Variants in GNA14 observed in about 807,000 individuals in gnomAD.
GNA14 encodes G protein subunit alpha 14.
A neutral mutation model predicts 42.0 loss-of-function variants in GNA14; 50 were observed. That is an observed-to-expected ratio of 1.19 (90% CI 0.95 to 1.51). The LOEUF (loss-of-function observed/expected upper bound fraction) is 1.51, where lower values mean the gene tolerates loss of function less well. Among genes scored for constraint, GNA14 ranks in the 40% most tolerant of loss-of-function variants. GNA14 has a pLI of 0.00. For missense variants in GNA14, 473 were observed against 446.2 expected (o/e 1.06, Z -0.54); for synonymous variants, 173 against 163.1 (o/e 1.06, Z -0.46).
chr9:77,448,198 G>A (rs1278169691), intron 2 of GNA14, among the ~76,000 whole-genome samples: 2 of 152,130 alleles, frequency 1.3e-5, no homozygotes, highest in African/African-American at 2.4e-5. Flanking sequence ...GTCCACCAAG[G>A]CTAAATCACG....
intron 2 of GNA14, among the ~76,000 whole-genome samples, chr9:77,471,780 A>G (rs1483711167): frequency 3.9e-5 from 6 of 152,214 alleles, no homozygotes; most frequent in Admixed American, 2.6e-4. Context: ...CAGTCTATGC[A>G]TAATACCACA....
intron 1 of GNA14, among the ~76,000 whole-genome samples, chr9:77,560,024 C>T (rs1298442747): frequency 6.6e-6 from 1 of 152,004 alleles, no homozygotes; most frequent in Non-Finnish European, 1.5e-5. Context: ...AATTACCTAG[C>T]GAGCTTTAAA....
At chr9:77,532,894 G>A (rs1837549756) in intron 1 of GNA14, among the ~76,000 whole-genome samples, 1 of 152,054 alleles carries the variant, frequency 6.6e-6, no homozygotes, top group African/African-American at 2.4e-5. Flanking sequence ...TACAAGGAGT[G>A]GGAGGTCTTT....
rs1277918401 is a variant in GNA14 at position 77,479,479 on chromosome 9, T to C, written c.310-44957A>G. Among the ~76,000 whole-genome samples the C allele has an allele frequency of 7.2e-5, 11 of 152,338 alleles. No homozygotes were observed. The South Asian group carries it at 2.1e-3, about 29-fold the overall frequency. On this transcript the variant is annotated intron_variant, in intron 2 of 6. Transcript: ENST00000341700. ...CATGATGCCTCCAGCTTTGTTCTTT[T>C]GGCTTAGGATTGACTTGGTGATGCG...
chr9:77,572,791 G>C (rs1823079275), intron 1 of GNA14, among the ~76,000 whole-genome samples: 1 of 152,102 alleles, frequency 6.6e-6, no homozygotes, highest in South Asian at 2.1e-4. Flanking sequence ...TTTAAATCAG[G>C]TCAGGCCAGA....
At chr9:77,432,269 G>A (rs566530389) in intron 3 of GNA14, among the ~76,000 whole-genome samples, 7 of 152,276 alleles carry the variant, frequency 4.6e-5, no homozygotes, top group African/African-American at 7.2e-5. Context: ...GAGCAGGTCC[G>A]CATGCAGGCT....
At chr9:77,603,956 CAAAA>C (rs67044542) in intron 1 of GNA14, among the ~76,000 whole-genome samples, 8 of 81,590 alleles carry the variant, frequency 9.8e-5, no homozygotes, top group Admixed American at 1.8e-4. Context: ...AAAAAAAAAA[CAAAA>C]AAAAAAAAAA....
In GNA14 at chr9:77,556,829, T is replaced by G. The variant is rs561084306; in HGVS notation, c.125-27576A>C. 2.0e-5 allele frequency among the ~76,000 whole-genome samples: 3 copies of G among 152,332 alleles called. No homozygotes were observed. The East Asian group carries it at 5.8e-4, about 29-fold the overall frequency. ...TTAAGGCACAGTTAAGAATGTATCT[T>G]TGGCAGGTACAACTTCAGCCGTTTG... On this transcript the variant is annotated intron_variant, in intron 1 of 6. Coordinates refer to ENST00000341700, the MANE Select transcript of GNA14 (RefSeq NM_004297.4).
intron 2 of GNA14, among the ~76,000 whole-genome samples, chr9:77,506,999 G>C (rs981134821): frequency 1.3e-5 from 2 of 152,212 alleles, no homozygotes; most frequent in South Asian, 4.1e-4. Flanking sequence ...AATCTTATTT[G>C]GAAGTGTACA....
intron 1 of GNA14, among the ~76,000 whole-genome samples, chr9:77,641,105 GAAGGAAGGAAGGAAGGAA>G (rs1564073616): frequency 0.056 from 232 of 4,130 alleles, 30 homozygotes; most frequent in African/African-American, 0.095. Context: ...GGGGGGGAAG[GAAGGAAGGAAGGAAGGAA>G]GGAAGGAAGG....
At chr9:77,641,620 G>T (rs541650275) in intron 1 of GNA14, among the ~76,000 whole-genome samples, 3 of 152,074 alleles carry the variant, frequency 2.0e-5, no homozygotes, top group Non-Finnish European at 4.4e-5. Context: ...ATTCAGTGTC[G>T]TAGAAGCAAT....
chr9:77,472,403 A>G (rs1207065923), intron 2 of GNA14, among the ~76,000 whole-genome samples: 1 of 152,206 alleles, frequency 6.6e-6, no homozygotes, highest in African/African-American at 2.4e-5. Context: ...CCAAAAAGAA[A>G]TGTCCTGGAG....
At chr9:77,477,439 G>A (rs1432150528) in intron 2 of GNA14, among the ~76,000 whole-genome samples, 7 of 152,216 alleles carry the variant, frequency 4.6e-5, no homozygotes, top group Non-Finnish European at 5.9e-5. Context: ...TTCCCCTGCT[G>A]AGAATATGGC....
rs2131783787 is a variant in GNA14 at position 77,553,668 on chromosome 9, C to CATCTTCAGTGATTTT, written c.125-24416_125-24415insAAAATCACTGAAGAT. ...CAGTGTTAATGGGCATATGAGAAAACAGACACCCATTCCCACTTATTTGTG... is the reference window on the plus strand; with the variant it reads ...CAGTGTTAATGGGCATATGAGAAAACATCTTCAGTGATTTTAGACACCCATTCCCACTTATTTGTG... On this transcript the variant is annotated intron_variant, in intron 1 of 6. Coordinates refer to ENST00000341700, the MANE Select transcript of GNA14 (RefSeq NM_004297.4). 2.0e-5 allele frequency among the ~76,000 whole-genome samples: 3 copies of CATCTTCAGTGATTTT among 152,190 alleles called. No homozygotes were observed. In the East Asian group the frequency reaches 5.8e-4, roughly 29 times the overall value.
intron 1 of GNA14, among the ~76,000 whole-genome samples, chr9:77,530,436 C>T (rs1428906300): frequency 2.6e-5 from 4 of 152,178 alleles, no homozygotes; most frequent in Non-Finnish European, 5.9e-5. Context: ...TCCTGTACAG[C>T]TTGTGGAAAC....
chr9:77,446,422 A>T (rs927691146), intron 2 of GNA14, among the ~76,000 whole-genome samples: 7 of 152,184 alleles, frequency 4.6e-5, no homozygotes, highest in African/African-American at 1.7e-4. Context: ...GGTCCAGTAC[A>T]TCCTATTTTG....
intron 1 of GNA14, among the ~76,000 whole-genome samples, chr9:77,578,310 T>A (rs947033217): frequency 1.3e-5 from 2 of 152,098 alleles, no homozygotes; most frequent in Non-Finnish European, 2.9e-5. Flanking sequence ...AAAGATTAAG[T>A]CTTGCTTGCC....
At chr9:77,496,688 T>C (rs1290904987) in intron 2 of GNA14, among the ~76,000 whole-genome samples, 1 of 152,160 alleles carries the variant, frequency 6.6e-6, no homozygotes, top group Admixed American at 6.5e-5. Flanking sequence ...GAATCAGAGA[T>C]GTCTGCATGG....
intron 1 of GNA14, among the ~76,000 whole-genome samples, chr9:77,575,953 T>A (rs1211536499): frequency 6.6e-6 from 1 of 152,038 alleles, no homozygotes; most frequent in Non-Finnish European, 1.5e-5. Context: ...CAAAAAGGGG[T>A]TTCAGGAGAA....
Sources: allele counts gnomAD v4.1 joint callset (sites outside exome capture counted in the v4.1 genomes callset), GRCh38; gene constraint gnomAD v4.1.1; transcripts MANE v1.5; gene names NCBI Gene and HGNC (gene_info 2026-07-23, HGNC 2026-07-21).